Variants in CASP4 observed in about 807,000 individuals in gnomAD.
The protein encoded by CASP4 is caspase-4.
In CASP4, 29 loss-of-function variants were observed where a neutral mutation model predicts 41.3. The ratio of observed to expected loss-of-function variants is 0.70; its 90% CI spans 0.52 to 0.96. The LOEUF is 0.96. Ranked by LOEUF, CASP4 falls within the 40% of genes least tolerant of loss-of-function variation. The pLI, the probability that CASP4 is intolerant of heterozygous loss-of-function variation, is 0.00. For synonymous variants in CASP4, 185 were observed against 158.4 expected (o/e 1.17, Z -1.26); for missense variants, 447 against 460.6 (o/e 0.97, Z 0.27).
intron 7 of CASP4, 144 bp from the exon 8 acceptor site, chr11:104,944,995 A>T: frequency 1.6e-6 from 1 of 635,536 alleles, no homozygotes; most frequent in Non-Finnish European, 2.8e-6. Context: ...TAACTCCTCA[A>T]CATTGTACCC....
intron 5 of CASP4, 53 bp downstream of exon 5, chr11:104,949,490 C>T (rs1860550221): frequency 1.9e-6 from 3 of 1,574,806 alleles, no homozygotes; most frequent in Non-Finnish European, 2.6e-6. Context: ...CCAAACATCA[C>T]AATCCTCTGC....
intron 8 of CASP4, chr11:104,944,482 T>G (rs1591123716): frequency 2.7e-6 from 1 of 373,574 alleles, no homozygotes; most frequent in East Asian, 5.2e-5. Context: ...ATTTTAATAA[T>G]TACTATCCTT....
chr11:104,948,399 A>C, intron 6 of CASP4, 134 bp downstream of exon 6: 1 of 885,440 alleles, frequency 1.1e-6, no homozygotes. Flanking sequence ...GGCACACATA[A>C]GATCATGTAA....
chr11:104,945,395 G>A (rs1223626222), intron 7 of CASP4, among the ~76,000 whole-genome samples: 1 of 151,982 alleles, frequency 6.6e-6, no homozygotes, highest in Non-Finnish European at 1.5e-5. Context: ...TGAGGTTACA[G>A]GTGCCCACCA....
At chr11:104,956,707 T>G (rs1315713062) in intron 1 of CASP4, 1 of 934,160 alleles carries the variant, frequency 1.1e-6, no homozygotes, top group African/African-American at 1.8e-5. Context: ...TGAGAAGAGG[T>G]AGCAAAAATG....
chr11:104,959,163 G>A (rs1043208910), intron 1 of CASP4, among the ~76,000 whole-genome samples: 2 of 151,934 alleles, frequency 1.3e-5, no homozygotes, highest in African/African-American at 4.8e-5. Context: ...ATTCACAATA[G>A]CCAAGATATA....
rs574037361 is a variant in CASP4 at position 104,946,952 on chromosome 11, A to G, written c.1035+131T>C. ...CTTTTCCTTAGCCATATTTTAAACAACTGAATGACAGAAACTGGGTACCTC... is the reference window on the plus strand; with the variant it reads ...CTTTTCCTTAGCCATATTTTAAACAGCTGAATGACAGAAACTGGGTACCTC... On this transcript the variant is annotated intron_variant, in intron 7 of 8. Coordinates refer to ENST00000444739, the MANE Select transcript of CASP4 (RefSeq NM_001225.4). 221 of 647,200 alleles carry G rather than the reference A, an allele frequency of 3.4e-4. 1 individual carries two copies. Among genetic ancestry groups the G allele is most frequent in the Non-Finnish European group, 4.6e-4 (167 of 359,744 alleles). The allele number at this position is 647,200 out of a possible 1,614,324, so 40.1% of individuals were successfully genotyped here.
intron 7 of CASP4, 101 bp from the exon 8 acceptor site, chr11:104,944,952 G>T (rs144940871): frequency 4.9e-6 from 4 of 818,626 alleles, no homozygotes; most frequent in Admixed American, 4.3e-5. Flanking sequence ...AAGTGAGCTT[G>T]CAGGTTTCAT....
At chr11:104,947,238 T>C (rs1253085614) in intron 6 of CASP4, 46 bp from the exon 7 acceptor site, 2 of 1,133,088 alleles carry the variant, frequency 1.8e-6, no homozygotes, top group African/African-American at 1.6e-5. Context: ...ACTTTCACTA[T>C]GTTTTTGTTC....
chr11:104,951,664 G>A (rs1860615658), intron 3 of CASP4: 2 of 557,718 alleles, frequency 3.6e-6, no homozygotes, highest in Non-Finnish European at 6.5e-6. Flanking sequence ...AAATACAGGA[G>A]CAATAGAAAT....
At chr11:104,958,944 G>T in intron 1 of CASP4, among the ~76,000 whole-genome samples, 1 of 107,628 alleles carries the variant, frequency 9.3e-6, no homozygotes, top group African/African-American at 3.6e-5. Flanking sequence ...CTAGGCAACA[G>T]AGTGAGACTC....
intron 1 of CASP4, 112 bp from the exon 2 acceptor site, chr11:104,955,113 A>T: frequency 5.7e-6 from 6 of 1,055,956 alleles, no homozygotes; most frequent in Non-Finnish European, 8.2e-6. Flanking sequence ...GTCCTACTTC[A>T]CCATCTGTCT....
chr11:104,961,894 A>C (rs982157736), intron 1 of CASP4, among the ~76,000 whole-genome samples: 2 of 152,160 alleles, frequency 1.3e-5, no homozygotes, highest in Non-Finnish European at 2.9e-5. Flanking sequence ...CATGGTGACT[A>C]TCTGCTCTTT....
Position 104,951,040 on chromosome 11 carries a change from G to T in CASP4, c.431C>A (p.Thr144Lys), listed in dbSNP as rs746792169. 8.1e-6 allele frequency: 13 copies of T among 1,613,312 alleles called. No homozygotes were observed. The East Asian group carries it at 1.8e-4, about 22-fold the overall frequency. The part of the protein sequence containing the change: ...RTRLALIICN[T>K]EFDHLPPRNG... ...CCTCGGAGGCAGATGGTCAAACTCT[G>T]TATTGCATATGATGAGAGCCAGGCG... Residue 144 changes from threonine (T) to lysine (K), a missense_variant, in exon 4 of 9, where the codon ACA becomes AAA. Physicochemically the swap from Thr to Lys is moderately conservative, Grantham distance 78 (BLOSUM62 -1). Transcript: ENST00000444739.
intron 5 of CASP4, 92 bp downstream of exon 5, chr11:104,949,451 G>A: frequency 7.7e-7 from 1 of 1,306,732 alleles, no homozygotes; most frequent in East Asian, 2.3e-5. Context: ...CACTGGATGA[G>A]GTTTAAGAAT....
intron 2 of CASP4, 199 bp from the exon 3 acceptor site, chr11:104,952,204 A>G (rs897729386): frequency 1.8e-5 from 10 of 557,972 alleles, no homozygotes; most frequent in African/African-American, 1.3e-4. Flanking sequence ...CCAAACATGT[A>G]ATCATATATT....
intron 7 of CASP4, among the ~76,000 whole-genome samples, chr11:104,945,237 C>T (rs984729810): frequency 7.0e-6 from 1 of 142,196 alleles, no homozygotes; most frequent in African/African-American, 2.6e-5. Flanking sequence ...AATTTAATCC[C>T]AGTATCTTAT....
At position 104,943,000 on chromosome 11, in the gene CASP4, T is replaced by G. The variant is rs1182345354; in HGVS notation, c.*6-27A>C. The G allele has an allele frequency of 1.8e-5, 8 of 454,112 alleles. No homozygotes were observed. The Admixed American group carries it at 1.9e-4, about 11-fold the overall frequency. The allele number at this position is 454,112 out of a possible 1,614,324, so 28.1% of individuals were successfully genotyped here. On this transcript the variant is annotated intron_variant, in intron 8 of 8. Coordinates refer to ENST00000444739, the MANE Select transcript of CASP4 (RefSeq NM_001225.4). ...TGCAGGGGAGAGAAAAAACAGAAGG[T>G]CAAGATGGTTACCCCTTGCTGCCTT...
chr11:104,956,955 A>G (rs1470035625), intron 1 of CASP4, among the ~76,000 whole-genome samples: 4 of 152,210 alleles, frequency 2.6e-5, no homozygotes, highest in Non-Finnish European at 4.4e-5. Flanking sequence ...CACAGCTAAC[A>G]TCATACTCAA....
Sources: allele counts gnomAD v4.1 joint callset (sites outside exome capture counted in the v4.1 genomes callset), GRCh38; gene constraint gnomAD v4.1.1; transcripts MANE v1.5; gene names NCBI Gene and HGNC (gene_info 2026-07-23, HGNC 2026-07-21).